The following RIMS2 variants were observed in gnomAD, a reference collection of about 807,000 sequenced individuals.
RIMS2 encodes regulating synaptic membrane exocytosis protein 2.
Under a neutral mutation model 174.4 loss-of-function variants are expected in RIMS2, and 59 were observed. The ratio of observed to expected loss-of-function variants is 0.34; its 90% confidence interval spans 0.27 to 0.42. The LOEUF is 0.42. Ranked by LOEUF, RIMS2 falls within the 10% of genes least tolerant of loss-of-function variation. The pLI, the probability that RIMS2 is intolerant of heterozygous loss-of-function variation, is 1.00. For missense variants in RIMS2, 1,620 were observed against 1,666.3 expected (o/e 0.97, Z 0.48); for synonymous variants, 606 against 572.5 (o/e 1.06, Z -0.84).
chr8:103,564,653 T>C (rs1348262511), intron 1 of RIMS2, among the ~76,000 whole-genome samples: 1 of 152,196 alleles, frequency 6.6e-6, no homozygotes, highest in African/African-American at 2.4e-5. Flanking sequence ...GGGAGAAAGA[T>C]GAAGTCCAGA....
chr8:103,519,514 C>T (rs1830611172), intron 1 of RIMS2, among the ~76,000 whole-genome samples: 1 of 152,050 alleles, frequency 6.6e-6, no homozygotes, highest in African/African-American at 2.4e-5. Context: ...CAGCTTTGTC[C>T]CAGCTCTTAC....
At chr8:103,782,854 T>G (rs2154434169) in intron 3 of RIMS2, among the ~76,000 whole-genome samples, 1 of 152,358 alleles carries the variant, frequency 6.6e-6, no homozygotes, top group Admixed American at 6.5e-5. Context: ...ACATGGATTT[T>G]TAGCATCTCC....
chr8:103,987,706 C>CA lies in RIMS2; in HGVS notation c.2928-1598dup, dbSNP rs1013716761. Among the ~76,000 whole-genome samples, 46 of 152,226 alleles carry CA rather than the reference C, an allele frequency of 3.0e-4. 1 individual carries two copies. The highest frequency in any genetic ancestry group is 8.8e-5 in the Non-Finnish European group (6 of 67,994). Reference sequence around the variant, plus strand: ...GAAAACCATCATTATTTGTTAATGACAGGATTATCTCCACAGGAAACCCAA... The same window carrying CA: ...GAAAACCATCATTATTTGTTAATGACAAGGATTATCTCCACAGGAAACCCAA... On this transcript the variant is annotated intron_variant, in intron 16 of 23. Coordinates refer to ENST00000504942, the Ensembl canonical transcript of RIMS2.
At chr8:103,905,635 A>G (rs1303995947) in intron 4 of RIMS2, among the ~76,000 whole-genome samples, 4 of 148,780 alleles carry the variant, frequency 2.7e-5, no homozygotes, top group Non-Finnish European at 5.9e-5. Flanking sequence ...AAATTTGGGA[A>G]ATTTTCAGTC....
intron 20 of RIMS2, among the ~76,000 whole-genome samples, chr8:104,246,615 G>A (rs2099331725): frequency 6.6e-6 from 1 of 152,216 alleles, no homozygotes; most frequent in African/African-American, 2.4e-5. Context: ...ATACAGCAAG[G>A]AAGAGAGATG....
intron 1 of RIMS2, among the ~76,000 whole-genome samples, chr8:103,622,731 A>G (rs7837980): frequency 0.18 from 27,745 of 152,104 alleles, 2,778 homozygotes; most frequent in African/African-American, 0.26. Flanking sequence ...ATGCTCTCCT[A>G]TCTTCTCCCC....
chr8:103,604,146 T>C (rs1588757986), intron 1 of RIMS2, among the ~76,000 whole-genome samples: 1 of 149,970 alleles, frequency 6.7e-6, no homozygotes, highest in Admixed American at 6.6e-5. Context: ...AACGTTTAAG[T>C]CTTTAATCCA....
In RIMS2 at chr8:104,081,102, A is replaced by G. The variant is rs180854974; in HGVS notation, c.3334+66487A>G. 5.3e-5 allele frequency among the ~76,000 whole-genome samples: 8 copies of G among 152,144 alleles called. 1 individual carries two copies. The highest frequency in any genetic ancestry group is 3.9e-4 in the Admixed American group (6 of 15,252). ...GGATGAATTAAAACTTACTACCTCA[A>G]TATAACTTCCTGAGTAACAAAGAAA... On this transcript the variant is annotated intron_variant, in intron 19 of 23. Transcript: ENST00000504942.
intron 2 of RIMS2, among the ~76,000 whole-genome samples, chr8:103,699,338 C>T (rs2097142354): frequency 6.6e-6 from 1 of 152,062 alleles, no homozygotes; most frequent in Non-Finnish European, 1.5e-5. Flanking sequence ...GTAATCTTGT[C>T]ACTTTGGCCT....
intron 2 of RIMS2, among the ~76,000 whole-genome samples, chr8:103,751,253 A>C (rs1299953971): frequency 6.6e-6 from 1 of 152,098 alleles, no homozygotes; most frequent in East Asian, 1.9e-4. Context: ...AGTTTCATCC[A>C]TGTCCCTACA....
intron 19 of RIMS2, among the ~76,000 whole-genome samples, chr8:104,078,567 G>A (rs2097345185): frequency 6.6e-6 from 1 of 152,124 alleles, no homozygotes; most frequent in African/African-American, 2.4e-5. Flanking sequence ...AAAAGCTCTA[G>A]CGTCAAGTAC....
chr8:104,031,980 A>G (rs2096403962), intron 19 of RIMS2, among the ~76,000 whole-genome samples: 1 of 152,068 alleles, frequency 6.6e-6, no homozygotes, highest in South Asian at 2.1e-4. Context: ...GAAAAAATAT[A>G]ATTATTTTAT....
intron 3 of RIMS2, 137 bp from the exon 7 acceptor site, chr8:103,885,161 T>G (rs551220305): frequency 2.4e-6 from 3 of 1,252,276 alleles, no homozygotes; most frequent in Admixed American, 2.9e-5. Context: ...AAACCATTGT[T>G]ACGCTATGCC....
intron 3 of RIMS2, among the ~76,000 whole-genome samples, chr8:103,881,220 T>A (rs970511282): frequency 1.3e-5 from 2 of 151,576 alleles, no homozygotes; most frequent in Non-Finnish European, 3.0e-5. Flanking sequence ...TCATAATTTT[T>A]AAAAATTGCA....
chr8:103,716,583 G>A (rs968951639), intron 2 of RIMS2, among the ~76,000 whole-genome samples: 4 of 151,702 alleles, frequency 2.6e-5, no homozygotes, highest in Non-Finnish European at 5.9e-5. Context: ...TTAGAATTTA[G>A]CATTTTTTTC....
At chr8:103,505,774 ATGT>A (rs1183746442) in intron 1 of RIMS2, among the ~76,000 whole-genome samples, 1 of 152,150 alleles carries the variant, frequency 6.6e-6, no homozygotes, top group Non-Finnish European at 1.5e-5. Flanking sequence ...ATCTTTACCA[ATGT>A]TTCAATGAAA....
At chr8:104,041,303 T>A (rs988867199) in intron 19 of RIMS2, 23 bp from the exon 22 acceptor site, 3 of 689,456 alleles carry the variant, frequency 4.4e-6, no homozygotes, top group Admixed American at 2.0e-5. Context: ...TCTATGTCTG[T>A]CCATTACACG....
intron 1 of RIMS2, among the ~76,000 whole-genome samples, chr8:103,679,633 A>G (rs1267089027): frequency 6.6e-6 from 1 of 152,006 alleles, no homozygotes; most frequent in East Asian, 1.9e-4. Context: ...CTCAGAAGTG[A>G]AAAATATTTA....
At chr8:103,892,612 AT>A (rs1361026409) in intron 4 of RIMS2, among the ~76,000 whole-genome samples, 1 of 152,140 alleles carries the variant, frequency 6.6e-6, no homozygotes, top group Non-Finnish European at 1.5e-5. Flanking sequence ...CTTATGCTAA[AT>A]AATTATTCCA....
Sources: gnomAD v4.1 joint callset for allele counts (sites outside exome capture counted in the v4.1 genomes callset) on GRCh38, gnomAD v4.1.1 for gene constraint, MANE v1.5 for transcripts, NCBI Gene and HGNC (gene_info 2026-07-23, HGNC 2026-07-21) for gene names.